Variants in KSR2 observed in about 807,000 individuals in gnomAD.
KSR2 encodes kinase suppressor of ras 2.
KSR2 carries 25 observed loss-of-function variants against 107.8 expected under a neutral mutation model. That is an observed-to-expected ratio of 0.23 (90% confidence interval 0.17 to 0.32). The LOEUF is 0.32. Ranked by LOEUF, KSR2 falls within the 10% of genes least tolerant of loss-of-function variation. KSR2 has a pLI of 1.00. For synonymous variants in KSR2, 480 were observed against 507.0 expected (o/e 0.95, Z 0.71); for missense variants, 887 against 1,268.9 (o/e 0.70, Z 4.57).
intron 3 of KSR2, among the ~76,000 whole-genome samples, chr12:117,809,576 C>T (rs1312902704): frequency 6.6e-6 from 1 of 152,224 alleles, no homozygotes. Context: ...ACCCCCTTGC[C>T]TCATCAACAT....
intron 1 of KSR2, among the ~76,000 whole-genome samples, chr12:117,952,188 C>CAT (rs1896384626): frequency 6.6e-6 from 1 of 151,218 alleles, no homozygotes; most frequent in Non-Finnish European, 1.5e-5. Flanking sequence ...CACACACATA[C>CAT]ACATACACAT....
chr12:117,922,696 G>A (rs1293846638), intron 1 of KSR2, among the ~76,000 whole-genome samples: 1 of 152,078 alleles, frequency 6.6e-6, no homozygotes, highest in African/African-American at 2.4e-5. Context: ...AAGACCCAAA[G>A]CAAAAAATAT....
intron 5 of KSR2, among the ~76,000 whole-genome samples, chr12:117,612,676 A>G (rs1328690886): frequency 6.6e-6 from 1 of 152,070 alleles, no homozygotes; most frequent in Non-Finnish European, 1.5e-5. Context: ...AGTGGCCAAT[A>G]CACCTATGAA....
chr12:117,534,883 A>T (rs1406436227), intron 10 of KSR2, among the ~76,000 whole-genome samples: 2 of 152,138 alleles, frequency 1.3e-5, no homozygotes, highest in Non-Finnish European at 2.9e-5. Context: ...CAGCCCCTAG[A>T]TGCTGGCAAA....
chr12:117,633,248 C>G (rs897234901), intron 5 of KSR2, among the ~76,000 whole-genome samples: 6 of 152,208 alleles, frequency 3.9e-5, no homozygotes, highest in Admixed American at 2.0e-4. Flanking sequence ...CTCTTTCCTG[C>G]TTCAAGTCCC....
At chr12:117,561,100 CAAT>C (rs1878087674) in intron 7 of KSR2, among the ~76,000 whole-genome samples, 2 of 151,708 alleles carry the variant, frequency 1.3e-5, no homozygotes, top group South Asian at 2.1e-4. Flanking sequence ...TTTCATCTTT[CAAT>C]AAATTTAAGT....
At chr12:117,601,691 T>A (rs1474786832) in intron 5 of KSR2, among the ~76,000 whole-genome samples, 1 of 152,170 alleles carries the variant, frequency 6.6e-6, no homozygotes, top group Non-Finnish European at 1.5e-5. Context: ...ATTTTTGGAC[T>A]TCTAGCCTCC....
chr12:117,954,948 C>T (rs948791671), intron 1 of KSR2, among the ~76,000 whole-genome samples: 3 of 150,460 alleles, frequency 2.0e-5, no homozygotes, highest in Admixed American at 6.6e-5. Flanking sequence ...ACCCAGTACA[C>T]GGAGGTTGCA....
intron 5 of KSR2, among the ~76,000 whole-genome samples, chr12:117,646,909 G>A (rs903103694): frequency 2.0e-5 from 3 of 152,202 alleles, no homozygotes; most frequent in Admixed American, 6.5e-5. Flanking sequence ...AGGGCTGCCA[G>A]TGTTCATGAG....
At chr12:117,929,118 C>A (rs1241179972) in intron 1 of KSR2, among the ~76,000 whole-genome samples, 2 of 152,214 alleles carry the variant, frequency 1.3e-5, no homozygotes, top group African/African-American at 4.8e-5. Flanking sequence ...TACTTCACAT[C>A]TCTGCATCTC....
intron 3 of KSR2, among the ~76,000 whole-genome samples, chr12:117,832,106 G>A (rs753235424): frequency 2.0e-5 from 3 of 152,144 alleles, no homozygotes; most frequent in Non-Finnish European, 4.4e-5. Context: ...CCAACATGGT[G>A]AAACCCCGTC....
At chr12:117,554,822 G>A (rs564249791) in intron 9 of KSR2, among the ~76,000 whole-genome samples, 1 of 152,288 alleles carries the variant, frequency 6.6e-6, no homozygotes, top group Admixed American at 6.5e-5. Flanking sequence ...GCATGAAACA[G>A]ACTAATACAG....
chr12:117,855,389 G>A, intron 3 of KSR2, 39 bp downstream of exon 3: 1 of 1,612,988 alleles, frequency 6.2e-7, no homozygotes, highest in Non-Finnish European at 8.5e-7. Context: ...GCTGTGCTGG[G>A]GACAAGTCTC....
intron 3 of KSR2, among the ~76,000 whole-genome samples, chr12:117,798,528 G>T (rs1890714001): frequency 6.6e-6 from 1 of 152,112 alleles, no homozygotes; most frequent in African/African-American, 2.4e-5. Context: ...AGCTACTCAG[G>T]AGGCTGAGGC....
intron 3 of KSR2, among the ~76,000 whole-genome samples, chr12:117,794,013 TGCACACTCACACCAACATGCA>T (rs1890447612): frequency 1.3e-5 from 1 of 76,336 alleles, no homozygotes; most frequent in Non-Finnish European, 2.3e-5. Context: ...CACACCAACA[TGCACACTCACACCAACATGCA>T]CACACCAACA....
intron 1 of KSR2, among the ~76,000 whole-genome samples, chr12:117,953,880 A>C (rs1309885154): frequency 6.6e-6 from 1 of 152,172 alleles, no homozygotes; most frequent in South Asian, 2.1e-4. Context: ...ACTTGAGCCT[A>C]GGAGTTTGAG....
At chr12:117,581,108 C>A (rs868405991) in intron 6 of KSR2, among the ~76,000 whole-genome samples, 20 of 152,198 alleles carry the variant, frequency 1.3e-4, no homozygotes, top group Non-Finnish European at 4.4e-5. Flanking sequence ...CTTCCTCCAA[C>A]GTTTTCTCAT....
At chr12:117,486,223 C>G (rs1289997412) in intron 14 of KSR2, among the ~76,000 whole-genome samples, 1 of 152,162 alleles carries the variant, frequency 6.6e-6, no homozygotes, top group East Asian at 1.9e-4. Context: ...AAACCAGACG[C>G]CTGTCTAGAT....
intron 3 of KSR2, among the ~76,000 whole-genome samples, chr12:117,839,637 A>G (rs1041603616): frequency 6.6e-6 from 1 of 152,244 alleles, no homozygotes; most frequent in African/African-American, 2.4e-5. Flanking sequence ...AGCAACTACA[A>G]GATAACTGCC....
Sources: gnomAD v4.1 joint callset for allele counts (sites outside exome capture counted in the v4.1 genomes callset) on GRCh38, gnomAD v4.1.1 for gene constraint, MANE v1.5 for transcripts, NCBI Gene and HGNC (gene_info 2026-07-23, HGNC 2026-07-21) for gene names.